Variants in CENPF observed in about 807,000 individuals in gnomAD.
CENPF encodes the protein centromere protein F.
Under a neutral mutation model 307.3 loss-of-function variants are expected in CENPF, and 214 were observed. That is an observed-to-expected ratio of 0.70 (90% CI 0.62 to 0.78). CENPF has a LOEUF of 0.78. Among genes scored for constraint, CENPF ranks in the 30% least tolerant of loss-of-function variants. The pLI is 0.00. For missense variants in CENPF, 3,401 were observed against 3,483.9 expected, an observed-to-expected ratio of 0.98 and a Z score of 0.60; for synonymous variants, 1,259 against 1,270.6, an observed-to-expected ratio of 0.99 and a Z score of 0.19.
At chr1:214,611,448 C>T (rs1220368595) in intron 1 of CENPF, among the ~76,000 whole-genome samples, 1 of 152,138 alleles carries the variant, frequency 6.6e-6, no homozygotes, top group East Asian at 1.9e-4. Flanking sequence ...TCACTGCAAC[C>T]TCTGCCTCCC....
chr1:214,631,066 A>G (rs12408153), intron 9 of CENPF, among the ~76,000 whole-genome samples: 10,370 of 152,224 alleles, frequency 0.068, 408 homozygotes, highest in South Asian at 0.14. Flanking sequence ...TGATGACTCT[A>G]CCCAGCCTGG....
intron 15 of CENPF, among the ~76,000 whole-genome samples, chr1:214,652,297 A>C (rs1415950945): frequency 6.6e-6 from 1 of 151,754 alleles, no homozygotes; most frequent in African/African-American, 2.4e-5. Context: ...GGCCTCCCAA[A>C]GTGCTGGGAT....
At chr1:214,621,081 A>G in intron 6 of CENPF, 135 bp downstream of exon 6, 1 of 709,406 alleles carries the variant, frequency 1.4e-6, no homozygotes, top group Non-Finnish European at 2.3e-6. Context: ...TAGACTGGTT[A>G]TGTGAAATAT....
In CENPF at chr1:214,652,859, A is replaced by T. The variant is rs763377013; in HGVS notation, c.8192A>T (p.Lys2731Ile). 21 of 1,599,852 alleles carry T rather than the reference A, an allele frequency of 1.3e-5. 1 individual carries two copies. In the East Asian group the frequency reaches 4.5e-4, roughly 34 times the overall value. The change falls in exon 16 of 20, where the codon AAA becomes ATA. Residue 2731 changes from lysine to isoleucine, a missense_variant. By Grantham distance (102) the Lys-to-Ile change is moderately radical (BLOSUM62 -3). Transcript: ENST00000366955. ...GTAGAAATCCAGACATACCGAGAGA[A>T]ATTGACTTCTAAAGAAGAATGTCTC... The part of the protein sequence containing the change: ...YEVEIQTYRE[K>I]LTSKEECLSS...
At chr1:214,633,936 C>G (rs1424815380) in intron 10 of CENPF, among the ~76,000 whole-genome samples, 1 of 152,220 alleles carries the variant, frequency 6.6e-6, no homozygotes, top group African/African-American at 2.4e-5. Context: ...AACTCTCCCG[C>G]GACTCCACTG....
intron 1 of CENPF, chr1:214,613,077 C>T: frequency 3.0e-6 from 1 of 331,806 alleles, no homozygotes; most frequent in South Asian, 3.7e-5. Context: ...TGCCATTTTG[C>T]TAGCACTGAT....
chr1:214,662,735 G>A (rs547767762), intron 19 of CENPF, among the ~76,000 whole-genome samples: 10 of 151,188 alleles, frequency 6.6e-5, no homozygotes, highest in Admixed American at 6.6e-4. Context: ...CATTTTTCTT[G>A]CACTTTTTTC....
intron 1 of CENPF, among the ~76,000 whole-genome samples, chr1:214,607,306 G>A (rs917104880): frequency 6.6e-6 from 1 of 152,254 alleles, no homozygotes. Flanking sequence ...GGTTCCTGCA[G>A]GACAAAGTGG....
chr1:214,618,527 C>T lies in CENPF; in HGVS notation c.360-46C>T, dbSNP rs202048135. On this transcript the variant is annotated intron_variant, in intron 3 of 19. Coordinates refer to ENST00000366955, the MANE Select transcript of CENPF (RefSeq NM_016343.4). ...ATGTAAGGCATTGATATTCTGTAGC[C>T]TTTGCTCTAACTGATTTGTCTGCCT... The T allele has an allele frequency of 4.3e-5, 69 of 1,606,178 alleles. No individual in the cohort carries two copies. The East Asian group carries it at 1.5e-3, about 35-fold the overall frequency.
Position 214,647,168 on chromosome 1 carries a change from A to C in CENPF, c.7598A>C (p.Asp2533Ala). The change falls in exon 13 of 20, where the codon GAC (aspartate) becomes GCC (alanine). Residue 2533 changes from aspartate (D) to alanine (A), a missense_variant. Coordinates refer to ENST00000366955, the MANE Select transcript of CENPF (RefSeq NM_016343.4). ...EISRLKNQIQDQEQLVSKLSQ... is the reference protein window; with the variant it reads ...EISRLKNQIQAQEQLVSKLSQ... The stretch of plus-strand genomic sequence containing the variant: ...AGTAGACTGAAAAATCAAATTCAAG[A>C]CCAAGAGCAGCTTGTCTCTAAACTG... The C allele has an allele frequency of 6.2e-7, 1 of 1,614,124 alleles. No homozygotes were observed. Among genetic ancestry groups the C allele is most frequent in the Non-Finnish European group, 8.5e-7 (1 of 1,179,990 alleles).
chr1:214,626,288 G>A (rs558343938), intron 7 of CENPF, among the ~76,000 whole-genome samples: 1 of 152,178 alleles, frequency 6.6e-6, no homozygotes, highest in East Asian at 1.9e-4. Context: ...CAGCTCCTTA[G>A]TCAGTCTGCC....
rs769064739 is a variant in CENPF, at chr1:214,618,690, T to C, written c.477T>C (p.Tyr159=). The change falls in exon 4 of 20, where the codon TAT becomes TAC. Residue 159 remains tyrosine, a synonymous_variant. Transcript: ENST00000366955. ...FTTPLTPSQY[Y]SGSKYEDLKE... ...CTCCACTAACACCAAGTCAATATTA[T>C]AGTGGTAATGCATTTTCTTCCTTGG... 6.2e-7 allele frequency: 1 copy of C among 1,612,990 alleles called. No homozygotes were observed. Among genetic ancestry groups the C allele is most frequent in the South Asian group, 1.1e-5 (1 of 90,714 alleles).
At chr1:214,634,426 T>A (rs1657901367) in intron 10 of CENPF, among the ~76,000 whole-genome samples, 2 of 152,122 alleles carry the variant, frequency 1.3e-5, no homozygotes, top group Admixed American at 1.3e-4. Context: ...GTGAGTGAGA[T>A]CTGAGATTGT....
chr1:214,619,955 TTGTA>T (rs1657460594), intron 5 of CENPF, among the ~76,000 whole-genome samples: 1 of 152,206 alleles, frequency 6.6e-6, no homozygotes, highest in Admixed American at 6.5e-5. Flanking sequence ...GTTCAGTCAT[TTGTA>T]TCAATTCTTC....
chr1:214,613,358 T>C, intron 1 of CENPF: 1 of 220,718 alleles, frequency 4.5e-6, no homozygotes, highest in South Asian at 7.7e-5. Context: ...AGTTGGAAAC[T>C]TCGAGAGACT....
intron 7 of CENPF, among the ~76,000 whole-genome samples, chr1:214,625,435 G>T (rs1468814750): frequency 6.6e-6 from 1 of 152,194 alleles, no homozygotes; most frequent in South Asian, 2.1e-4. Context: ...TGGCCAGGCT[G>T]GTCTTGAACT....
At chr1:214,655,479 AG>A in intron 17 of CENPF, 76 bp downstream of exon 17, 8 of 1,231,646 alleles carry the variant, frequency 6.5e-6, no homozygotes, top group Non-Finnish European at 7.6e-6. Flanking sequence ...ATGCGTGCAT[AG>A]GAACTATTTT....
At position 214,622,122 on chromosome 1, in the gene CENPF, A is replaced by C. The variant is rs772074317; in HGVS notation, c.909A>C (p.Gly303=). 2.5e-6 allele frequency: 4 copies of C among 1,613,990 alleles called. No homozygotes were observed. In the East Asian group the frequency reaches 8.9e-5, roughly 36 times the overall value. The part of the protein sequence containing the change: ...KINELELRLQ[G]HEKEMKGQVN... ...ATGAGTTGGAACTACGCCTGCAAGGACATGAAAAAGAAATGAAAGGCCAAG... is the reference window on the plus strand; with the variant it reads ...ATGAGTTGGAACTACGCCTGCAAGGCCATGAAAAAGAAATGAAAGGCCAAG... The change falls in exon 7 of 20, where the codon GGA becomes GGC. Residue 303 remains glycine (G), a synonymous_variant. Transcript: ENST00000366955.
chr1:214,657,242 G>A lies in CENPF; in HGVS notation c.8795G>A (p.Arg2932Lys). ...SSGQNKASGK[R>K]QRSSGIWENG... Reference sequence around the variant, plus strand: ...GGCCAAAATAAAGCTTCAGGCAAGAGGCAAAGATCCAGTGGAATATGGGAG... The same window carrying A: ...GGCCAAAATAAAGCTTCAGGCAAGAAGCAAAGATCCAGTGGAATATGGGAG... The change falls in exon 18 of 20, where the codon AGG (arginine) becomes AAG (lysine). Residue 2932 changes from arginine to lysine, a missense_variant. By Grantham distance (26) the Arg-to-Lys change is conservative (BLOSUM62 2). Coordinates refer to ENST00000366955, the MANE Select transcript of CENPF (RefSeq NM_016343.4). 6.8e-6 allele frequency: 11 copies of A among 1,614,076 alleles called. No individual in the cohort carries two copies. Among genetic ancestry groups the A allele is most frequent in the Non-Finnish European group, 9.3e-6 (11 of 1,180,008 alleles).
Sources: gnomAD v4.1 joint callset for allele counts (sites outside exome capture counted in the v4.1 genomes callset) on GRCh38, gnomAD v4.1.1 for gene constraint, MANE v1.5 for transcripts, NCBI Gene and HGNC (gene_info 2026-07-23, HGNC 2026-07-21) for gene names.